Variants in ATG10 observed in about 807,000 individuals in gnomAD.
ATG10 encodes the protein ubiquitin-like-conjugating enzyme ATG10.
ATG10 carries 30 observed loss-of-function variants against 32.1 expected under a neutral mutation model. The observed-to-expected ratio is 0.94, with a 90% CI of 0.70 to 1.27. The LOEUF (loss-of-function observed/expected upper bound fraction) is 1.27, where lower values mean the gene tolerates loss of function less well. Ranked by LOEUF, ATG10 falls within the 50% of genes most tolerant of loss-of-function variation. ATG10 has a pLI of 0.00. For missense variants in ATG10, 233 were observed against 262.3 expected, an observed-to-expected ratio of 0.89 and a Z score of 0.77; for synonymous variants, 87 against 91.5, an observed-to-expected ratio of 0.95 and a Z score of 0.28.
At chr5:81,986,280 A>G (rs1761268230) in intron 1 of ATG10, among the ~76,000 whole-genome samples, 1 of 152,198 alleles carries the variant, frequency 6.6e-6, no homozygotes, top group African/African-American at 2.4e-5. Context: ...TTGTGAACAC[A>G]CAGTTAACTG....
At chr5:81,981,910 C>T (rs1761058907) in intron 1 of ATG10, among the ~76,000 whole-genome samples, 1 of 152,186 alleles carries the variant, frequency 6.6e-6, no homozygotes, top group African/African-American at 2.4e-5. Flanking sequence ...TTAGAATTCA[C>T]TAAGGCTGCT....
intron 2 of ATG10, among the ~76,000 whole-genome samples, chr5:82,020,027 C>T (rs977597288): frequency 1.3e-5 from 2 of 152,222 alleles, no homozygotes; most frequent in African/African-American, 4.8e-5. Context: ...CTCTGAAGCG[C>T]CCATGCAGTC....
chr5:82,153,728 G>A (rs1248244213), intron 3 of ATG10, among the ~76,000 whole-genome samples: 1 of 151,932 alleles, frequency 6.6e-6, no homozygotes, highest in African/African-American at 2.4e-5. Flanking sequence ...TTATGTACTT[G>A]GGGACTCTGT....
At chr5:82,085,130 G>A (rs1764629469) in intron 3 of ATG10, among the ~76,000 whole-genome samples, 2 of 152,068 alleles carry the variant, frequency 1.3e-5, no homozygotes, top group South Asian at 2.1e-4. Flanking sequence ...TAAAGGGATG[G>A]AGGCAGATCT....
chr5:82,001,342 G>A (rs1761843304), intron 2 of ATG10, among the ~76,000 whole-genome samples: 1 of 152,086 alleles, frequency 6.6e-6, no homozygotes, highest in South Asian at 2.1e-4. Flanking sequence ...AAATAGCTAA[G>A]GCAATACTAA....
chr5:82,040,064 C>T (rs1763037882), intron 2 of ATG10, among the ~76,000 whole-genome samples: 1 of 152,248 alleles, frequency 6.6e-6, no homozygotes, highest in South Asian at 2.1e-4. Context: ...CATAGCTTCT[C>T]AGGGCTCCAA....
At chr5:82,049,405 G>T (rs1763330969) in intron 2 of ATG10, among the ~76,000 whole-genome samples, 2 of 128,216 alleles carry the variant, frequency 1.6e-5, no homozygotes, top group African/African-American at 2.9e-5. Flanking sequence ...TTGTGGGGGT[G>T]GGGGGAGGGG....
intron 3 of ATG10, among the ~76,000 whole-genome samples, chr5:82,090,943 CCTT>C (rs1764862388): frequency 6.6e-6 from 1 of 152,098 alleles, no homozygotes; most frequent in African/African-American, 2.4e-5. Context: ...AAATTTCCCT[CCTT>C]CAATGCAGGT....
chr5:82,179,614 C>A (rs1744158761), intron 5 of ATG10, among the ~76,000 whole-genome samples: 1 of 152,114 alleles, frequency 6.6e-6, no homozygotes. Flanking sequence ...TTGCTAAAAT[C>A]AGTAGTTATT....
At chr5:82,225,956 AGAGT>A in intron 5 of ATG10, among the ~76,000 whole-genome samples, 1 of 152,376 alleles carries the variant, frequency 6.6e-6, no homozygotes, top group Admixed American at 6.5e-5. Flanking sequence ...GTAGCATCTT[AGAGT>A]GAGTTATACG....
intron 1 of ATG10, among the ~76,000 whole-genome samples, chr5:81,975,797 T>C (rs948396498): frequency 6.6e-6 from 1 of 152,022 alleles, no homozygotes; most frequent in African/African-American, 2.4e-5. Flanking sequence ...TATTGTACTT[T>C]TGTAGCTTAG....
chr5:82,046,863 G>C (rs1763250120), intron 2 of ATG10, among the ~76,000 whole-genome samples: 1 of 151,872 alleles, frequency 6.6e-6, no homozygotes, highest in Non-Finnish European at 1.5e-5. Flanking sequence ...ATTCTCTTGA[G>C]TAATTTTCAT....
chr5:82,253,090 T>C (rs755741480), intron 6 of ATG10, among the ~76,000 whole-genome samples: 8 of 152,222 alleles, frequency 5.3e-5, no homozygotes, highest in Non-Finnish European at 1.0e-4. Flanking sequence ...CCTTACCTCA[T>C]TCTTCAACTA....
intron 4 of ATG10, among the ~76,000 whole-genome samples, chr5:82,171,989 G>T (rs150438725): frequency 1.4e-3 from 211 of 152,280 alleles, no homozygotes; most frequent in Non-Finnish European, 2.4e-3. Context: ...ATATGTTAAG[G>T]ACCATAAGAG....
intron 5 of ATG10, among the ~76,000 whole-genome samples, chr5:82,222,058 A>G (rs1745949013): frequency 6.6e-5 from 10 of 152,220 alleles, no homozygotes; most frequent in Admixed American, 6.5e-4. Context: ...AAGTTAGAGA[A>G]AATGTCTGAT....
chr5:82,126,910 C>T (rs978874614), intron 3 of ATG10, among the ~76,000 whole-genome samples: 2 of 152,188 alleles, frequency 1.3e-5, no homozygotes, highest in Non-Finnish European at 2.9e-5. Flanking sequence ...CCGTCTGATC[C>T]TGGGCTTTTT....
At chr5:82,007,052 C>T (rs1017858640) in intron 2 of ATG10, among the ~76,000 whole-genome samples, 2 of 152,050 alleles carry the variant, frequency 1.3e-5, no homozygotes, top group African/African-American at 2.4e-5. Context: ...TGGGGTTTTA[C>T]CATGTTGGCC....
chr5:82,072,762 A>G (rs1764168658), intron 3 of ATG10, among the ~76,000 whole-genome samples: 1 of 152,216 alleles, frequency 6.6e-6, no homozygotes, highest in African/African-American at 2.4e-5. Context: ...TGGAACTTTT[A>G]CATATAAGAT....
intron 3 of ATG10, among the ~76,000 whole-genome samples, chr5:82,092,136 A>G (rs1371965050): frequency 4.6e-5 from 7 of 152,292 alleles, no homozygotes; most frequent in South Asian, 4.1e-4. Flanking sequence ...GGATTGTCCC[A>G]TTAAAGTATT....
Sources: allele counts gnomAD v4.1 joint callset (sites outside exome capture counted in the v4.1 genomes callset), GRCh38; gene constraint gnomAD v4.1.1; transcripts MANE v1.5; gene names NCBI Gene and HGNC (gene_info 2026-07-23, HGNC 2026-07-21).